Variants in NF1 observed in about 807,000 individuals in gnomAD.
NF1 encodes neurofibromin.
NF1 carries 122 observed loss-of-function variants against 325.7 expected under a neutral mutation model. The ratio of observed to expected loss-of-function variants is 0.37; its 90% CI spans 0.32 to 0.44. The LOEUF (loss-of-function observed/expected upper bound fraction) is 0.44, where lower values mean the gene tolerates loss of function less well. Ranked by LOEUF, NF1 falls within the 20% of genes least tolerant of loss-of-function variation. NF1 has a pLI of 1.00. For missense variants in NF1, 2,140 were observed against 3,415.4 expected, an observed-to-expected ratio of 0.63 and a Z score of 9.31; for synonymous variants, 1,091 against 1,186.0, an observed-to-expected ratio of 0.92 and a Z score of 1.65.
chr17:31,324,975 A>T (rs1392810499), intron 36 of NF1, among the ~76,000 whole-genome samples: 2 of 152,248 alleles, frequency 1.3e-5, no homozygotes, highest in Non-Finnish European at 2.9e-5. Context: ...GCCTAAGTTA[A>T]CATAGATTGT....
chr17:31,271,066 A>G (rs2067885024), intron 36 of NF1, among the ~76,000 whole-genome samples: 1 of 152,254 alleles, frequency 6.6e-6, no homozygotes, highest in South Asian at 2.1e-4. Context: ...TTCGGTTTCA[A>G]ACCTAAGCCA....
chr17:31,291,333 T>C (rs1044067954), intron 36 of NF1, among the ~76,000 whole-genome samples: 2 of 152,172 alleles, frequency 1.3e-5, no homozygotes, highest in African/African-American at 2.4e-5. Flanking sequence ...CTCATTAATA[T>C]TTTTCAGATT....
chr17:31,201,473 A>T lies in NF1; in HGVS notation c.1248A>T (p.Arg416=), dbSNP rs1403345664. Residue 416 remains arginine, a synonymous_variant, in exon 11 of 58, where the codon CGA becomes CGT. Coordinates refer to ENST00000358273, the MANE Select transcript of NF1 (RefSeq NM_001042492.3). ...ATGTGCTGGTAAATTCACTCCATCG[A>T]ATCATCACCAATGTAAGTCCAAAAG... ...FHYVLVNSLH[R]IITNSALDWW... is the part of the protein sequence containing the mutation. 6.2e-7 allele frequency: 1 copy of T among 1,611,712 alleles called. No individual in the cohort carries two copies. Among genetic ancestry groups the T allele is most frequent in the Non-Finnish European group, 8.5e-7 (1 of 1,178,536 alleles).
chr17:31,298,397 G>C (rs565255716), intron 36 of NF1, among the ~76,000 whole-genome samples: 1 of 152,106 alleles, frequency 6.6e-6, no homozygotes, highest in East Asian at 1.9e-4. Flanking sequence ...GTAATATTTA[G>C]CATGTTATGT....
chr17:31,334,293 C>CT (rs1303024165), intron 39 of NF1, among the ~76,000 whole-genome samples: 1 of 148,060 alleles, frequency 6.8e-6, no homozygotes, highest in African/African-American at 2.5e-5. Flanking sequence ...GAGACTCCAT[C>CT]TCAAAAAAAA....
At chr17:31,162,213 A>G (rs1379010262) in intron 3 of NF1, among the ~76,000 whole-genome samples, 4 of 152,060 alleles carry the variant, frequency 2.6e-5, no homozygotes, top group Non-Finnish European at 4.4e-5. Flanking sequence ...GTAGTGGCTC[A>G]CGCCTGTAAT....
At chr17:31,163,429 T>C in intron 4 of NF1, 53 bp downstream of exon 4, 1 of 1,570,170 alleles carries the variant, frequency 6.4e-7, no homozygotes, top group Non-Finnish European at 8.7e-7. Flanking sequence ...TATTAGAAGT[T>C]TTGTTTTTTG....
chr17:31,292,827 T>A (rs2068368962), intron 36 of NF1, among the ~76,000 whole-genome samples: 2 of 152,178 alleles, frequency 1.3e-5, no homozygotes, highest in Non-Finnish European at 2.9e-5. Flanking sequence ...CCTTAAAAAT[T>A]CTAAGACAGC....
At chr17:31,116,725 T>C (rs1913947968) in intron 1 of NF1, among the ~76,000 whole-genome samples, 1 of 152,078 alleles carries the variant, frequency 6.6e-6, no homozygotes, top group African/African-American at 2.4e-5. Context: ...TGGAGTGCAG[T>C]GGCGCCATCT....
At chr17:31,112,123 A>G (rs569363699) in intron 1 of NF1, among the ~76,000 whole-genome samples, 1 of 152,082 alleles carries the variant, frequency 6.6e-6, no homozygotes, top group African/African-American at 2.4e-5. Flanking sequence ...TCCCATCCCT[A>G]GGGAACCCTT....
intron 11 of NF1, among the ~76,000 whole-genome samples, chr17:31,202,254 C>T (rs567652663): frequency 1.3e-5 from 2 of 152,240 alleles, no homozygotes; most frequent in East Asian, 3.9e-4. Context: ...AAATGATACT[C>T]ACATTTATGG....
In NF1 at chr17:31,169,892, T is replaced by A. The variant is rs2143706850; in HGVS notation, c.481T>A (p.Leu161Ile). Residue 161 changes from leucine (L) to isoleucine (I), a missense_variant and splice_region_variant, in exon 5 of 58, where the codon TTA (leucine) becomes ATA (isoleucine). Physicochemically the swap from Leu to Ile is conservative, Grantham distance 5 (BLOSUM62 2). This residue lies in a region of NF1 where 246 missense variants were observed against 347.8 expected (regional missense o/e 0.71). Transcript: ENST00000358273. Reference sequence around the variant, plus strand: ...TTAATTTTGGTTTTTACTTTTTAGGTTACAGGAATTAACTGTTTGTTCAGA... The same window carrying A: ...TTAATTTTGGTTTTTACTTTTTAGGATACAGGAATTAACTGTTTGTTCAGA... ...NAVFSRISTR[L>I]QELTVCSEDN... 1.9e-6 allele frequency: 3 copies of A among 1,605,468 alleles called. No homozygotes were observed. The highest frequency in any genetic ancestry group is 2.6e-6 in the Non-Finnish European group (3 of 1,172,562).
chr17:31,365,584 A>G (rs927666762), intron 57 of NF1, among the ~76,000 whole-genome samples: 1 of 152,206 alleles, frequency 6.6e-6, no homozygotes, highest in Non-Finnish European at 1.5e-5. Flanking sequence ...GATTAATACT[A>G]TAGTGCACTG....
intron 29 of NF1, among the ~76,000 whole-genome samples, chr17:31,248,623 C>T (rs1028182609): frequency 2.6e-5 from 4 of 152,148 alleles, no homozygotes; most frequent in Non-Finnish European, 4.4e-5. Context: ...CAGCCTCCAC[C>T]TCCCAGGTTC....
rs138265293 is a variant in NF1 at position 31,337,568 on chromosome 17, T to C, written c.6628T>C (p.Leu2210=). The C allele has an allele frequency of 1.4e-4, 224 of 1,613,936 alleles. No individual in the cohort carries two copies. Among genetic ancestry groups the C allele is most frequent in the Non-Finnish European group, 1.8e-4 (212 of 1,179,946 alleles). ...TSLETVTEAL[L]EIMEACMRDI... Reference sequence around the variant, plus strand: ...CTTGGAAACAGTCACAGAAGCTTTGTTGGAGATCATGGAGGTATAGAAGCC... The same window carrying C: ...CTTGGAAACAGTCACAGAAGCTTTGCTGGAGATCATGGAGGTATAGAAGCC... The change falls in exon 43 of 58, where the codon TTG becomes CTG. Residue 2210 remains leucine, a synonymous_variant. Transcript: ENST00000358273.
At chr17:31,189,225 G>A (rs1307575558) in intron 8 of NF1, among the ~76,000 whole-genome samples, 1 of 151,974 alleles carries the variant, frequency 6.6e-6, no homozygotes, top group Non-Finnish European at 1.5e-5. Flanking sequence ...GGGTATATGT[G>A]TACATTTTTA....
intron 36 of NF1, chr17:31,321,521 A>T (rs2069192364): frequency 6.6e-6 from 1 of 152,160 alleles, no homozygotes; most frequent in South Asian, 2.1e-4. Context: ...TCAAAATCTG[A>T]TTATAACGTG....
rs974805494 is a variant in NF1, at chr17:31,340,755, A to C, written c.7062+110A>C. ...CAAGAAGTCCATAACTTAAGTAGGA[A>C]TTTGTATAATGTAACTTATTGTGAG... On this transcript the variant is annotated intron_variant, in intron 47 of 57. Coordinates refer to ENST00000358273, the MANE Select transcript of NF1 (RefSeq NM_001042492.3). 5.3e-6 allele frequency: 6 copies of C among 1,124,396 alleles called. No homozygotes were observed. In the African/African-American group the frequency reaches 9.3e-5, roughly 17 times the overall value. 69.7% of individuals were successfully genotyped at this position (1,124,396 alleles called of 1,614,324 possible). A position where few individuals can be genotyped will look rare whatever the true frequency, so the allele number is the denominator to read the frequency against.
At chr17:31,322,094 TACACACACACACAC>T (rs71142046) in intron 36 of NF1, among the ~76,000 whole-genome samples, 8 of 147,410 alleles carry the variant, frequency 5.4e-5, no homozygotes, top group Non-Finnish European at 1.0e-4. Context: ...AGTGTGTGTA[TACACACACACACAC>T]ACACACACAC....
Sources: allele counts gnomAD v4.1 joint callset (sites outside exome capture counted in the v4.1 genomes callset), GRCh38; gene constraint gnomAD v4.1.1; regional missense constraint gnomAD v4.1.1; transcripts MANE v1.5; gene names NCBI Gene and HGNC (gene_info 2026-07-23, HGNC 2026-07-21).